The following WDR75 variants were observed in gnomAD, a reference collection of about 807,000 sequenced individuals.
The protein encoded by WDR75 is WD repeat-containing protein 75.
In WDR75, 52 loss-of-function variants were observed where a neutral mutation model predicts 106.1. The ratio of observed to expected loss-of-function variants is 0.49; its 90% confidence interval spans 0.39 to 0.62. The LOEUF (loss-of-function observed/expected upper bound fraction) is 0.62. Ranked by LOEUF, WDR75 falls within the 20% of genes least tolerant of loss-of-function variation. WDR75 has a pLI of 0.00. For missense variants in WDR75, 905 were observed against 970.3 expected, an observed-to-expected ratio of 0.93 and a Z score of 0.89; for synonymous variants, 333 against 335.5, an observed-to-expected ratio of 0.99 and a Z score of 0.08.
intron 12 of WDR75, among the ~76,000 whole-genome samples, chr2:189,465,531 ATCCAAATGT>A (rs1686982731): frequency 6.6e-6 from 1 of 152,172 alleles, no homozygotes; most frequent in Non-Finnish European, 1.5e-5. Context: ...CAGGGTTAGA[ATCCAAATGT>A]TCCCTTGCTC....
intron 2 of WDR75, 89 bp from the exon 3 acceptor site, chr2:189,450,814 A>G: frequency 6.4e-7 from 1 of 1,562,300 alleles, no homozygotes; most frequent in African/African-American, 1.4e-5. Context: ...ATGAATAGAA[A>G]ATGCCCCTGA....
At position 189,467,622 on chromosome 2, in the gene WDR75, A is replaced by G. The variant is rs755498558; in HGVS notation, c.1602A>G (p.Thr534=). 1.2e-6 allele frequency: 2 copies of G among 1,600,990 alleles called. No individual in the cohort carries two copies. The highest frequency in any genetic ancestry group is 1.7e-6 in the Non-Finnish European group (2 of 1,173,972). ...CTGTAACATGGGAACTTAAATGTAC[A>G]TTTTGCCAACGAGCTGGGAAAATAA... ...WDSVTWELKC[T]FCQRAGKIRH... Residue 534 remains threonine, a synonymous_variant, in exon 14 of 21, where the codon ACA becomes ACG. Coordinates refer to ENST00000314761, the MANE Select transcript of WDR75 (RefSeq NM_032168.3).
chr2:189,443,582 GA>G (rs1686432351), intron 1 of WDR75, among the ~76,000 whole-genome samples: 1 of 152,178 alleles, frequency 6.6e-6, no homozygotes, highest in Non-Finnish European at 1.5e-5. Flanking sequence ...GGTGAGTGGA[GA>G]AATGAGAGCT....
At chr2:189,467,809 A>C (rs1687033301) in intron 14 of WDR75, among the ~76,000 whole-genome samples, 161 bp downstream of exon 14, 1 of 152,208 alleles carries the variant, frequency 6.6e-6, no homozygotes. Flanking sequence ...TGAGTCCACA[A>C]ACTGTGCCAA....
chr2:189,457,013 A>G (rs1331136332), intron 5 of WDR75, among the ~76,000 whole-genome samples: 1 of 152,050 alleles, frequency 6.6e-6, no homozygotes, highest in Non-Finnish European at 1.5e-5. Context: ...AGGCCGAGGC[A>G]GGCGGATCAC....
intron 16 of WDR75, among the ~76,000 whole-genome samples, chr2:189,469,856 ATTC>A (rs987507051): frequency 6.6e-5 from 10 of 152,076 alleles, no homozygotes; most frequent in African/African-American, 2.2e-4. Context: ...TGGAGCACGA[ATTC>A]TTCTTTCTGT....
At chr2:189,449,091 C>G (rs570327455) in intron 2 of WDR75, among the ~76,000 whole-genome samples, 55 of 152,262 alleles carry the variant, frequency 3.6e-4, no homozygotes, top group Admixed American at 1.2e-3. Context: ...TTCCCACGTC[C>G]CCCACAAAGC....
chr2:189,458,827 A>C lies in WDR75; in HGVS notation c.644A>C (p.Glu215Ala). 6.2e-7 allele frequency: 1 copy of C among 1,609,390 alleles called. No individual in the cohort carries two copies. The highest frequency in any genetic ancestry group is 8.5e-7 in the Non-Finnish European group (1 of 1,178,004). Residue 215 changes from glutamate (E) to alanine (A), a missense_variant, in exon 7 of 21, where the codon GAA (glutamate) becomes GCA (alanine). Physicochemically the swap from Glu to Ala is moderately radical, Grantham distance 107. Coordinates refer to ENST00000314761, the MANE Select transcript of WDR75 (RefSeq NM_032168.3). Reference protein sequence around the residue: ...NFTCVACHPTEDCIASGHMDG... With the variant: ...NFTCVACHPTADCIASGHMDG... ...ACATGTGTAGCATGTCACCCAACGG[A>C]AGACTGCATCGCATCTGGTCACATG... is the stretch of plus-strand genomic sequence containing the variant.
At chr2:189,450,188 C>T (rs190092702) in intron 2 of WDR75, 1 of 983,236 alleles carries the variant, frequency 1.0e-6, no homozygotes, top group Non-Finnish European at 1.2e-6. Flanking sequence ...AAGTATTGGT[C>T]CTTGATGGAT....
chr2:189,473,570 G>A (rs977664314), intron 18 of WDR75, among the ~76,000 whole-genome samples: 13 of 152,022 alleles, frequency 8.6e-5, no homozygotes, highest in South Asian at 2.1e-4. Context: ...CACCACCACC[G>A]CTATCCATAC....
Position 189,458,943 on chromosome 2 carries a change from A to T in WDR75, c.689+71A>T, listed in dbSNP as rs538406914. On this transcript the variant is annotated intron_variant, in intron 7 of 20. Transcript: ENST00000314761. Reference sequence around the variant, plus strand: ...TACGTTAGTCCTGTAGAACAGGGCTATCTCTGGGTCCCAAGAAACAGCCTC... The same window carrying T: ...TACGTTAGTCCTGTAGAACAGGGCTTTCTCTGGGTCCCAAGAAACAGCCTC... 1.0e-3 allele frequency: 1,461 copies of T among 1,465,054 alleles called. 1 individual carries two copies. Among genetic ancestry groups the T allele is most frequent in the Non-Finnish European group, 1.2e-3 (1,317 of 1,107,228 alleles). The allele number at this position is 1,465,054 out of a possible 1,614,324, so 90.8% of individuals were successfully genotyped here.
chr2:189,470,758 C>T, intron 17 of WDR75, 61 bp from the exon 18 acceptor site: 1 of 1,346,236 alleles, frequency 7.4e-7, no homozygotes, highest in South Asian at 1.5e-5. Context: ...CACCCTGTAA[C>T]ACCTTGTTTA....
intron 1 of WDR75, among the ~76,000 whole-genome samples, chr2:189,447,483 G>A (rs886271101): frequency 6.6e-6 from 1 of 152,216 alleles, no homozygotes; most frequent in Non-Finnish European, 1.5e-5. Flanking sequence ...AGCTGGTGTT[G>A]CCAGTGAACC....
chr2:189,445,101 T>A (rs1312214251), intron 1 of WDR75, among the ~76,000 whole-genome samples: 1 of 152,188 alleles, frequency 6.6e-6, no homozygotes, highest in Non-Finnish European at 1.5e-5. Flanking sequence ...TTGCTGTGTA[T>A]GCTAAGCTTG....
intron 8 of WDR75, among the ~76,000 whole-genome samples, chr2:189,460,789 A>G (rs1356123720): frequency 1.3e-5 from 2 of 152,156 alleles, no homozygotes; most frequent in Non-Finnish European, 2.9e-5. Context: ...TACAGGCGTG[A>G]GCTACCGTGC....
At chr2:189,452,009 AT>A in intron 4 of WDR75, 114 bp downstream of exon 4, 1 of 742,944 alleles carries the variant, frequency 1.3e-6, no homozygotes, top group South Asian at 1.8e-5. Flanking sequence ...TAGAATGGGC[AT>A]TTAAATTGCT....
chr2:189,445,548 A>G (rs35290989), intron 1 of WDR75, among the ~76,000 whole-genome samples: 7 of 152,182 alleles, frequency 4.6e-5, no homozygotes, highest in Admixed American at 6.5e-5. Flanking sequence ...ACTGTCACTG[A>G]TTGGAAGGTT....
At chr2:189,470,019 G>A in intron 16 of WDR75, 57 bp from the exon 17 acceptor site, 1 of 1,506,510 alleles carries the variant, frequency 6.6e-7, no homozygotes, top group South Asian at 1.2e-5. Flanking sequence ...GCCAGTCTGA[G>A]GCTAGAACTA....
intron 1 of WDR75, 143 bp downstream of exon 1, chr2:189,441,721 C>T (rs1470505003): frequency 3.3e-6 from 3 of 922,158 alleles, no homozygotes; most frequent in South Asian, 3.0e-5. Flanking sequence ...GTGGGGGATC[C>T]CCAGGGTACC....
Sources: allele counts gnomAD v4.1 joint callset (sites outside exome capture counted in the v4.1 genomes callset), GRCh38; gene constraint gnomAD v4.1.1; transcripts MANE v1.5; gene names NCBI Gene and HGNC (gene_info 2026-07-23, HGNC 2026-07-21).